The following USH2A variants were observed in gnomAD, a reference collection of about 807,000 sequenced individuals.
USH2A encodes the protein Usher syndrome 2A (autosomal recessive, mild).
A neutral mutation model predicts 538.9 loss-of-function variants in USH2A; 443 were observed. That is an observed-to-expected ratio of 0.82 (90% CI 0.76 to 0.89). The LOEUF (loss-of-function observed/expected upper bound fraction) is 0.89. Among genes scored for constraint, USH2A ranks in the 40% least tolerant of loss-of-function variants. USH2A has a pLI of 0.00. For synonymous variants in USH2A, 2,413 were observed against 2,273.5 expected, an observed-to-expected ratio of 1.06 and a Z score of -1.75; for missense variants, 6,633 against 6,324.8, an observed-to-expected ratio of 1.05 and a Z score of -1.65.
chr1:216,112,828 A>G (rs563612315), intron 21 of USH2A, among the ~76,000 whole-genome samples: 1 of 151,922 alleles, frequency 6.6e-6, no homozygotes, highest in African/African-American at 2.4e-5. Flanking sequence ...CTGTATATGT[A>G]CCACATTTTC....
intron 3 of USH2A, among the ~76,000 whole-genome samples, chr1:216,366,687 G>C (rs1427716763): frequency 2.0e-5 from 3 of 151,904 alleles, no homozygotes; most frequent in African/African-American, 7.3e-5. Context: ...ACCCACAATG[G>C]CTTTTCTCCA....
At chr1:215,822,073 C>CT (rs924307096) in intron 47 of USH2A, among the ~76,000 whole-genome samples, 3 of 151,310 alleles carry the variant, frequency 2.0e-5, no homozygotes, top group Admixed American at 6.6e-5. Context: ...CCAGCTTTGT[C>CT]TTTTTTTTAC....
chr1:215,651,118 A>AT (rs1657066792), intron 64 of USH2A, among the ~76,000 whole-genome samples: 2 of 152,112 alleles, frequency 1.3e-5, no homozygotes, highest in Non-Finnish European at 2.9e-5. Context: ...AAGTGGAGTG[A>AT]TTTTGTCAGC....
intron 21 of USH2A, among the ~76,000 whole-genome samples, chr1:216,122,206 T>C (rs2033151274): frequency 6.6e-6 from 1 of 152,128 alleles, no homozygotes; most frequent in Non-Finnish European, 1.5e-5. Flanking sequence ...CCTGGGTGGG[T>C]ATGGAGTATG....
At chr1:216,103,723 C>A (rs944289559) in intron 21 of USH2A, among the ~76,000 whole-genome samples, 1 of 151,866 alleles carries the variant, frequency 6.6e-6, no homozygotes, top group African/African-American at 2.4e-5. Flanking sequence ...GCCAAGCAAC[C>A]CAATAGAAAA....
intron 68 of USH2A, 126 bp downstream of exon 68, chr1:215,640,432 G>C: frequency 8.0e-7 from 1 of 1,256,788 alleles, no homozygotes; most frequent in Non-Finnish European, 1.1e-6. Context: ...TTTTTCACAA[G>C]AAGGGGGCAC....
intron 21 of USH2A, among the ~76,000 whole-genome samples, chr1:216,139,393 T>C (rs2033555245): frequency 6.6e-6 from 1 of 151,432 alleles, no homozygotes; most frequent in African/African-American, 2.4e-5. Context: ...CTCAAGGTGT[T>C]GAATTTTTCT....
In USH2A at chr1:215,645,463, C is replaced by A. The variant is rs376778145; in HGVS notation, c.14791+2059G>T. Among the ~76,000 whole-genome samples the A allele has an allele frequency of 7.9e-5, 12 of 152,256 alleles. No individual in the cohort carries two copies. In the South Asian group the frequency reaches 1.0e-3, roughly 13 times the overall value. On this transcript the variant is annotated intron_variant, in intron 67 of 71. Coordinates refer to ENST00000307340, the MANE Select transcript of USH2A (RefSeq NM_206933.4). ...AGATCATAGTCTATATGAATGGCAT[C>A]CTGGAATCGCAGTACACAGTTTATA... is the stretch of plus-strand genomic sequence containing the variant.
At chr1:215,791,771 T>C (rs1371722367) in intron 50 of USH2A, among the ~76,000 whole-genome samples, 1 of 152,220 alleles carries the variant, frequency 6.6e-6, no homozygotes, top group African/African-American at 2.4e-5. Context: ...TGGGTATATA[T>C]GTGTGTATGT....
At chr1:216,039,120 A>G (rs1250827089) in intron 32 of USH2A, among the ~76,000 whole-genome samples, 1 of 152,024 alleles carries the variant, frequency 6.6e-6, no homozygotes, top group African/African-American at 2.4e-5. Flanking sequence ...TGATATTCAA[A>G]CATTCTGTAC....
At chr1:215,840,272 T>A (rs536840503) in intron 46 of USH2A, among the ~76,000 whole-genome samples, 3 of 151,478 alleles carry the variant, frequency 2.0e-5, no homozygotes, top group Non-Finnish European at 4.4e-5. Context: ...GAGCCTTAAT[T>A]CTAAAGTATT....
At chr1:216,397,833 T>C (rs1011995587) in intron 3 of USH2A, among the ~76,000 whole-genome samples, 4 of 152,238 alleles carry the variant, frequency 2.6e-5, no homozygotes, top group Non-Finnish European at 5.9e-5. Flanking sequence ...TATCATTCTA[T>C]AGCTTGCTGA....
Position 215,846,839 on chromosome 1 carries a change from C to G in USH2A, c.8846-806G>C, listed in dbSNP as rs537967565. ...ATTTTTTTAACTTGCTAACAACATT[C>G]GCTAACTGATACCTAGAAGGATGCT... On this transcript the variant is annotated intron_variant, in intron 44 of 71. Coordinates refer to ENST00000307340, the MANE Select transcript of USH2A (RefSeq NM_206933.4). Among the ~76,000 whole-genome samples, 5 of 152,222 alleles carry G rather than the reference C, an allele frequency of 3.3e-5. No individual in the cohort carries two copies. The South Asian group carries it at 1.0e-3, about 32-fold the overall frequency.
intron 21 of USH2A, among the ~76,000 whole-genome samples, chr1:216,146,659 C>T (rs552263334): frequency 6.0e-4 from 91 of 152,092 alleles, no homozygotes; most frequent in African/African-American, 2.0e-3. Flanking sequence ...CCCTTATTTC[C>T]GCACCCTGAC....
rs376661078 is a variant in USH2A at position 216,084,837 on chromosome 1, T to C, written c.5028A>G (p.Val1676=). 13 of 1,613,406 alleles carry C rather than the reference T, an allele frequency of 8.1e-6. No individual in the cohort carries two copies. Among genetic ancestry groups the C allele is most frequent in the African/African-American group, 1.3e-5 (1 of 74,886 alleles). The change falls in exon 25 of 72, where the codon GTA becomes GTG. Residue 1676 remains valine (V), a synonymous_variant. Coordinates refer to ENST00000307340, the MANE Select transcript of USH2A (RefSeq NM_206933.4). ...QKGFVGCLKD[V]HFMKNYNPSA... is the part of the protein sequence containing the mutation. ...ACGGATTGTAATTCTTCATAAAATG[T>C]ACATCCTTGAGACAGCCCACAAAAC...
chr1:215,966,882 G>C (rs1667360539), intron 36 of USH2A, among the ~76,000 whole-genome samples: 1 of 152,090 alleles, frequency 6.6e-6, no homozygotes, highest in Non-Finnish European at 1.5e-5. Context: ...CAAATATTTG[G>C]TTAATTCAAA....
chr1:216,241,012 G>C (rs1179268977), intron 13 of USH2A, among the ~76,000 whole-genome samples: 1 of 152,082 alleles, frequency 6.6e-6, no homozygotes, highest in Non-Finnish European at 1.5e-5. Context: ...GCCAAAGAGA[G>C]TCCTGAAAAA....
intron 26 of USH2A, among the ~76,000 whole-genome samples, chr1:216,079,583 G>C (rs2031864561): frequency 6.6e-6 from 1 of 152,116 alleles, no homozygotes; most frequent in Non-Finnish European, 1.5e-5. Flanking sequence ...TGTCTTGCCA[G>C]CTATGTAGAA....
At chr1:215,999,421 C>T (rs1312123344) in intron 33 of USH2A, among the ~76,000 whole-genome samples, 2 of 151,988 alleles carry the variant, frequency 1.3e-5, no homozygotes, top group African/African-American at 4.8e-5. Flanking sequence ...CCTGGAAAAT[C>T]CAGGAATCCA....
Sources: gnomAD v4.1 joint callset for allele counts (sites outside exome capture counted in the v4.1 genomes callset) on GRCh38, gnomAD v4.1.1 for gene constraint, MANE v1.5 for transcripts, NCBI Gene and HGNC (gene_info 2026-07-23, HGNC 2026-07-21) for gene names.